GRM1: variants seen among roughly 807,000 people sequenced by gnomAD.
The protein encoded by GRM1 is glutamate metabotropic receptor 1, also known as metabotropic glutamate receptor 1.
GRM1 carries 33 observed loss-of-function variants against 90.9 expected under a neutral mutation model. The observed-to-expected ratio is 0.36, with a 90% CI of 0.28 to 0.49. The LOEUF is 0.49. GRM1 is among the 20% of genes least tolerant of loss of function. GRM1 has a pLI of 0.99. For missense variants in GRM1, 1,190 were observed against 1,534.3 expected, an observed-to-expected ratio of 0.78 and a Z score of 3.75; for synonymous variants, 700 against 613.2, an observed-to-expected ratio of 1.14 and a Z score of -2.09.
At chr6:146,334,676 C>T (rs1466526531) in intron 3 of GRM1, among the ~76,000 whole-genome samples, 2 of 152,132 alleles carry the variant, frequency 1.3e-5, no homozygotes, top group Non-Finnish European at 2.9e-5. Context: ...ACGGGCTTCC[C>T]ACCAGCTTAT....
intron 1 of GRM1, among the ~76,000 whole-genome samples, chr6:146,032,358 A>T (rs955613801): frequency 6.6e-6 from 1 of 152,156 alleles, no homozygotes; most frequent in Admixed American, 6.5e-5. Flanking sequence ...TTTCTTCTCA[A>T]AGGGAATTAG....
chr6:146,307,060 G>A (rs1272037715), intron 3 of GRM1, among the ~76,000 whole-genome samples: 1 of 152,118 alleles, frequency 6.6e-6, no homozygotes, highest in Non-Finnish European at 1.5e-5. Flanking sequence ...ATATTTTGTT[G>A]AGCTCTCAAA....
intron 7 of GRM1, among the ~76,000 whole-genome samples, chr6:146,401,919 A>G (rs185579793): frequency 7.9e-5 from 12 of 152,276 alleles, no homozygotes; most frequent in Admixed American, 3.9e-4. Flanking sequence ...CACATTAACA[A>G]TGCTGAGTAT....
intron 2 of GRM1, among the ~76,000 whole-genome samples, chr6:146,218,284 G>A (rs996275931): frequency 6.6e-6 from 1 of 152,142 alleles, no homozygotes; most frequent in Non-Finnish European, 1.5e-5. Flanking sequence ...GGTCCAGATC[G>A]TATGATTCTT....
Position 146,435,221 on chromosome 6 carries a change from A to T in GRM1, c.*425A>T, listed in dbSNP as rs1778560506. On this transcript the variant is annotated 3_prime_UTR_variant, in exon 8 of 8. Coordinates refer to ENST00000282753, the MANE Select transcript of GRM1 (RefSeq NM_001278064.2). Reference sequence around the variant, plus strand: ...ACGTGGACATGCCAGTCGGATCATGAGTTCACCTGATGGCATTCGGAGTGA... The same window carrying T: ...ACGTGGACATGCCAGTCGGATCATGTGTTCACCTGATGGCATTCGGAGTGA... 2 of 330,642 alleles carry T rather than the reference A, an allele frequency of 6.0e-6. No homozygotes were observed. Among genetic ancestry groups the T allele is most frequent in the Non-Finnish European group, 5.8e-6 (1 of 171,990 alleles). The allele number at this position is 330,642 out of a possible 1,614,324, so 20.5% of individuals were successfully genotyped here.
At chr6:146,132,228 A>C (rs1222989349) in intron 1 of GRM1, among the ~76,000 whole-genome samples, 1 of 152,164 alleles carries the variant, frequency 6.6e-6, no homozygotes, top group Admixed American at 6.6e-5. Flanking sequence ...ATTATGTTTA[A>C]GATAGCTATG....
chr6:146,165,062 G>A (rs1777862255), intron 2 of GRM1, among the ~76,000 whole-genome samples: 1 of 151,930 alleles, frequency 6.6e-6, no homozygotes, highest in Non-Finnish European at 1.5e-5. Flanking sequence ...TCACTGCAGA[G>A]AAACACCACC....
chr6:146,045,203 A>T (rs1434529654), intron 1 of GRM1, among the ~76,000 whole-genome samples: 1 of 151,996 alleles, frequency 6.6e-6, no homozygotes, highest in Non-Finnish European at 1.5e-5. Flanking sequence ...AAAATGTGCA[A>T]ATTTAAAAAA....
At chr6:146,172,250 C>T (rs1338410326) in intron 2 of GRM1, among the ~76,000 whole-genome samples, 2 of 152,134 alleles carry the variant, frequency 1.3e-5, no homozygotes, top group African/African-American at 4.8e-5. Context: ...ATTTTCAAGC[C>T]AGTAGCATTG....
At chr6:146,252,828 G>A (rs1451706862) in intron 2 of GRM1, among the ~76,000 whole-genome samples, 5 of 152,042 alleles carry the variant, frequency 3.3e-5, no homozygotes, top group Non-Finnish European at 7.4e-5. Context: ...TTGGGGGGCC[G>A]AGGCAGGCAG....
At chr6:146,396,620 A>G (rs1398412796) in intron 6 of GRM1, among the ~76,000 whole-genome samples, 3 of 152,190 alleles carry the variant, frequency 2.0e-5, no homozygotes, top group African/African-American at 7.2e-5. Context: ...ACAAAACAGA[A>G]AAATATGGTT....
intron 3 of GRM1, among the ~76,000 whole-genome samples, chr6:146,313,374 T>A (rs774886999): frequency 2.0e-5 from 3 of 152,196 alleles, no homozygotes; most frequent in Non-Finnish European, 2.9e-5. Context: ...CAGCTTGCCT[T>A]CCAAACAAGT....
intron 3 of GRM1, among the ~76,000 whole-genome samples, chr6:146,332,141 G>A (rs2114996155): frequency 6.6e-6 from 1 of 152,268 alleles, no homozygotes; most frequent in South Asian, 2.1e-4. Context: ...TTGGCTGGGA[G>A]CTAATGCATT....
At chr6:146,265,583 C>A (rs1781853068) in intron 2 of GRM1, among the ~76,000 whole-genome samples, 2 of 152,054 alleles carry the variant, frequency 1.3e-5, no homozygotes, top group East Asian at 1.9e-4. Context: ...TTTTGAGAGC[C>A]TAGTCAAAAA....
intron 5 of GRM1, among the ~76,000 whole-genome samples, chr6:146,371,981 T>C (rs1266040162): frequency 6.6e-6 from 1 of 152,112 alleles, no homozygotes; most frequent in Admixed American, 6.6e-5. Context: ...TACTTAGCAG[T>C]GTCATTGCTG....
chr6:146,352,231 T>A lies in GRM1; in HGVS notation c.1187-19T>A, dbSNP rs376563443. ...TTTATCATTGTGACCTTGGTAGTGA[T>A]CTATTTTTATTGTTACAGGCAATGA... On this transcript the variant is annotated intron_variant, in intron 3 of 7. Transcript: ENST00000282753. The A allele has an allele frequency of 1.2e-6, 2 of 1,612,248 alleles. No individual in the cohort carries two copies. Among genetic ancestry groups the A allele is most frequent in the African/African-American group, 1.3e-5 (1 of 74,900 alleles).
At chr6:146,105,834 A>T (rs1240659507) in intron 1 of GRM1, among the ~76,000 whole-genome samples, 1 of 152,162 alleles carries the variant, frequency 6.6e-6, no homozygotes, top group African/African-American at 2.4e-5. Context: ...TAACTTGCTT[A>T]TTTGACAGAT....
chr6:146,305,653 G>A (rs558230031), intron 3 of GRM1, among the ~76,000 whole-genome samples: 16 of 152,308 alleles, frequency 1.1e-4, no homozygotes, highest in Non-Finnish European at 1.6e-4. Context: ...GAATAATGGA[G>A]CACTCATGAT....
chr6:146,302,602 G>A (rs1206117906), intron 2 of GRM1, among the ~76,000 whole-genome samples: 2 of 151,172 alleles, frequency 1.3e-5, no homozygotes, highest in East Asian at 3.9e-4. Context: ...TGTTGCCTAG[G>A]CTGGTCTCAA....
Sources: gnomAD v4.1 joint callset for allele counts (sites outside exome capture counted in the v4.1 genomes callset) on GRCh38, gnomAD v4.1.1 for gene constraint, MANE v1.5 for transcripts, NCBI Gene and HGNC (gene_info 2026-07-23, HGNC 2026-07-21) for gene names.